The following NCAPH variants were observed in gnomAD, a reference collection of about 807,000 sequenced individuals.
NCAPH encodes condensin complex subunit 2.
NCAPH carries 38 observed loss-of-function variants against 85.5 expected under a neutral mutation model. That is an observed-to-expected ratio of 0.44 (90% CI 0.34 to 0.58). NCAPH has a LOEUF of 0.58. NCAPH is among the 20% of genes least tolerant of loss of function. The pLI, the probability that NCAPH is intolerant of heterozygous loss-of-function variation, is 0.01. For synonymous variants in NCAPH, 301 were observed against 335.1 expected (o/e 0.90, Z 1.11); for missense variants, 789 against 916.6 (o/e 0.86, Z 1.80).
intron 11 of NCAPH, 100 bp downstream of exon 11, chr2:96,360,349 G>A: frequency 4.8e-6 from 4 of 831,612 alleles, no homozygotes; most frequent in Non-Finnish European, 7.6e-6. Flanking sequence ...GCAAACAGAT[G>A]GTTTCATTCT....
intron 6 of NCAPH, among the ~76,000 whole-genome samples, chr2:96,344,534 C>T (rs929178404): frequency 6.6e-6 from 1 of 152,156 alleles, no homozygotes; most frequent in Non-Finnish European, 1.5e-5. Context: ...ATTTAATGTA[C>T]ACATAGTGAG....
intron 17 of NCAPH, among the ~76,000 whole-genome samples, chr2:96,371,516 G>A (rs1352711694): frequency 1.3e-5 from 2 of 152,142 alleles, no homozygotes; most frequent in Admixed American, 1.3e-4. Flanking sequence ...CTTCACTGAG[G>A]TCGTGCTGCT....
rs1259341706 is a variant in NCAPH, at chr2:96,375,263, T to A, written c.*1912T>A. 6.6e-6 allele frequency among the ~76,000 whole-genome samples: 1 copy of A among 152,104 alleles called. No homozygotes were observed. Among genetic ancestry groups the A allele is most frequent in the Non-Finnish European group, 1.5e-5 (1 of 68,004 alleles). The stretch of plus-strand genomic sequence containing the variant: ...TACCAACTTCTACAATGAAATCCCC[T>A]TCCCCCCACAACCCTGCTTCTCCTA... On this transcript the variant is annotated 3_prime_UTR_variant, in exon 18 of 18. Transcript: ENST00000240423.
chr2:96,363,961 G>A (rs2064661525), intron 12 of NCAPH, among the ~76,000 whole-genome samples: 1 of 151,948 alleles, frequency 6.6e-6, no homozygotes, highest in Non-Finnish European at 1.5e-5. Flanking sequence ...CAGGCACACA[G>A]CACCATGCCA....
intron 15 of NCAPH, among the ~76,000 whole-genome samples, chr2:96,368,483 C>T (rs1306860921): frequency 2.6e-5 from 4 of 152,090 alleles, no homozygotes; most frequent in African/African-American, 9.7e-5. Context: ...GGTGAAACCC[C>T]ATCTCTACTA....
At chr2:96,352,439 G>A (rs2064457580) in intron 7 of NCAPH, among the ~76,000 whole-genome samples, 1 of 152,160 alleles carries the variant, frequency 6.6e-6, no homozygotes, top group Non-Finnish European at 1.5e-5. Context: ...AGAGCGTTGT[G>A]AATTGTTTTG....
chr2:96,364,151 A>G (rs1228089352), intron 12 of NCAPH, among the ~76,000 whole-genome samples: 1 of 152,222 alleles, frequency 6.6e-6, no homozygotes, highest in Non-Finnish European at 1.5e-5. Flanking sequence ...GGTGACTTTC[A>G]GAAAGCTGGA....
In NCAPH at chr2:96,351,915, G is replaced by A. The variant is rs766766649; in HGVS notation, c.805G>A (p.Asp269Asn). The change falls in exon 7 of 18, where the codon GAC becomes AAC. Residue 269 changes from aspartate (D) to asparagine (N), a missense_variant. Asp to Asn is a conservative substitution (Grantham distance 23). Transcript: ENST00000240423. ...GTTTCTGTCCACTCTCCACTGCCAG[G>A]ACTACAGAAGTGAACTGCTGTTTCC... Reference protein sequence around the residue: ...GVFLSTLHCQDYRSELLFPSD... With the variant: ...GVFLSTLHCQNYRSELLFPSD... The A allele has an allele frequency of 6.2e-7, 1 of 1,614,118 alleles. No homozygotes were observed. The highest frequency in any genetic ancestry group is 8.5e-7 in the Non-Finnish European group (1 of 1,179,982).
At chr2:96,369,160 T>C in intron 16 of NCAPH, 97 bp downstream of exon 16, 6 of 1,218,644 alleles carry the variant, frequency 4.9e-6, no homozygotes, top group Non-Finnish European at 4.6e-6. Context: ...CTATGACATT[T>C]ATAGTGGCTG....
At chr2:96,372,431 C>T (rs1421309156) in intron 17 of NCAPH, among the ~76,000 whole-genome samples, 1 of 152,066 alleles carries the variant, frequency 6.6e-6, no homozygotes, top group Non-Finnish European at 1.5e-5. Flanking sequence ...ATATAGTAGC[C>T]CCCTGTTTCC....
intron 15 of NCAPH, among the ~76,000 whole-genome samples, chr2:96,367,771 C>T (rs867036739): frequency 2.3e-4 from 35 of 152,170 alleles, no homozygotes; most frequent in African/African-American, 7.2e-4. Flanking sequence ...GTGTGTAAGA[C>T]GTGATTCAGC....
intron 15 of NCAPH, among the ~76,000 whole-genome samples, chr2:96,367,621 C>G (rs986943885): frequency 6.6e-6 from 1 of 152,130 alleles, no homozygotes; most frequent in Non-Finnish European, 1.5e-5. Context: ...CCACTACACT[C>G]CAGTCTGGGC....
chr2:96,345,171 G>A (rs1241890131), intron 6 of NCAPH, among the ~76,000 whole-genome samples: 1 of 152,106 alleles, frequency 6.6e-6, no homozygotes, highest in Non-Finnish European at 1.5e-5. Context: ...AGAAGAGCGT[G>A]GTATCCAAAT....
intron 1 of NCAPH, among the ~76,000 whole-genome samples, chr2:96,336,548 A>T (rs2064216975): frequency 6.6e-6 from 1 of 152,198 alleles, no homozygotes; most frequent in South Asian, 2.1e-4. Context: ...CATTGTGACC[A>T]AGCTTAGTGA....
intron 1 of NCAPH, among the ~76,000 whole-genome samples, chr2:96,340,178 C>T (rs550655697): frequency 6.6e-6 from 1 of 152,124 alleles, no homozygotes; most frequent in Non-Finnish European, 1.5e-5. Context: ...CTGCCTCAGC[C>T]TCCCAAAGTG....
chr2:96,351,736 T>C, intron 6 of NCAPH, 95 bp from the exon 7 acceptor site: 1 of 1,052,894 alleles, frequency 9.5e-7, no homozygotes, highest in East Asian at 2.5e-5. Context: ...GTCCAGTGTA[T>C]ATACCTGCTA....
At chr2:96,351,214 G>A (rs1378092494) in intron 6 of NCAPH, among the ~76,000 whole-genome samples, 1 of 152,204 alleles carries the variant, frequency 6.6e-6, no homozygotes, top group African/African-American at 2.4e-5. Flanking sequence ...GTGACTTATA[G>A]AAGGAGACCA....
chr2:96,343,612 C>T (rs1471151104), intron 5 of NCAPH, among the ~76,000 whole-genome samples: 1 of 152,008 alleles, frequency 6.6e-6, no homozygotes, highest in Non-Finnish European at 1.5e-5. Flanking sequence ...GAAGCCAAAT[C>T]TAATAGTTTG....
At chr2:96,348,453 AAGTGCTGGGATTACAGGTGTGAGTC>A (rs2064391156) in intron 6 of NCAPH, among the ~76,000 whole-genome samples, 1 of 151,712 alleles carries the variant, frequency 6.6e-6, no homozygotes, top group Non-Finnish European at 1.5e-5. Context: ...CGGCCTCCCA[AAGTGCTGGGATTACAGGTGTGAGTC>A]ACCGCACCTG....
Sources: allele counts gnomAD v4.1 joint callset (sites outside exome capture counted in the v4.1 genomes callset), GRCh38; gene constraint gnomAD v4.1.1; transcripts MANE v1.5; gene names NCBI Gene and HGNC (gene_info 2026-07-23, HGNC 2026-07-21).